The following CCDC88A variants were observed in gnomAD, a reference collection of about 807,000 sequenced individuals.
The protein encoded by CCDC88A is girdin.
Under a neutral mutation model 234.3 loss-of-function variants are expected in CCDC88A, and 54 were observed. The ratio of observed to expected loss-of-function variants is 0.23; its 90% CI spans 0.19 to 0.29. CCDC88A has a LOEUF of 0.29. CCDC88A is among the 10% of genes least tolerant of loss of function. The probability of loss-of-function intolerance (pLI) is 1.00; values close to 1 mark genes in which losing one functional copy is unlikely to be tolerated. For missense variants in CCDC88A, 1,832 were observed against 2,123.4 expected, an observed-to-expected ratio of 0.86 and a Z score of 2.70; for synonymous variants, 753 against 737.8, an observed-to-expected ratio of 1.02 and a Z score of -0.33.
At position 55,419,417 on chromosome 2, in the gene CCDC88A, G is replaced by C. The variant is rs7578406; in HGVS notation, c.-338C>G. On this transcript the variant is annotated 5_prime_UTR_variant, in exon 1 of 33. Coordinates refer to ENST00000436346, the MANE Select transcript of CCDC88A (RefSeq NM_001365480.1). ...ACAAAAAGCCCGTCAAGGTTGTCCA[G>C]CTCCTGGAGGATCCAGACCAGCGAA... 4.8e-3 allele frequency: 1,420 copies of C among 297,140 alleles called. 30 individuals are homozygous for C. The highest frequency in any genetic ancestry group is 0.029 in the African/African-American group (1,326 of 45,720). The allele number at this position is 297,140 out of a possible 1,614,324, so 18.4% of individuals were successfully genotyped here.
chr2:55,419,517 GGCGCCACCAGAC>G lies in CCDC88A; in HGVS notation c.-450_-439del. 4 of 161,238 alleles carry G rather than the reference GGCGCCACCAGAC, an allele frequency of 2.5e-5. No individual in the cohort carries two copies. The highest frequency in any genetic ancestry group is 1.7e-4 in the South Asian group (1 of 6,054). The allele number at this position is 161,238 out of a possible 1,614,324, so 10.0% of individuals were successfully genotyped here. A position where few individuals can be genotyped will look rare whatever the true frequency, so the allele number is the denominator to read the frequency against. On this transcript the variant is annotated 5_prime_UTR_variant, in exon 1 of 33. Transcript: ENST00000436346. The stretch of plus-strand genomic sequence containing the variant: ...ACAGAGACCACGTTAAGGATACCGA[GGCGCCACCAGAC>G]TCGACCTCGGCGTTCCGACCTCTAC...
chr2:55,322,329 A>C (rs1006613283), intron 18 of CCDC88A, among the ~76,000 whole-genome samples, 199 bp downstream of exon 18: 1 of 152,196 alleles, frequency 6.6e-6, no homozygotes, highest in Non-Finnish European at 1.5e-5. Flanking sequence ...GAGGGAAGCC[A>C]GTCATATGTT....
At position 55,328,389 on chromosome 2, in the gene CCDC88A, ACTT is replaced by A; in HGVS notation, c.2899_2901del (p.Lys967del). 1.3e-6 allele frequency: 2 copies of A among 1,594,408 alleles called. No homozygotes were observed. The highest frequency in any genetic ancestry group is 1.7e-6 in the Non-Finnish European group (2 of 1,168,890). ...ATTTTTTCTTCTTTTATTTCAAGAG[ACTT>A]CTTAAGAGTGGATTCTAATTTTGAT... On this transcript the variant is annotated inframe_deletion, in exon 17 of 33. Coordinates refer to ENST00000436346, the MANE Select transcript of CCDC88A (RefSeq NM_001365480.1). This position sits in a 1 kb window ranked among gnomAD's most constrained non-coding sequence, Gnocchi z 4.3.
At chr2:55,408,915 C>G (rs1459459472) in intron 2 of CCDC88A, among the ~76,000 whole-genome samples, 1 of 152,122 alleles carries the variant, frequency 6.6e-6, no homozygotes, top group African/African-American at 2.4e-5. Context: ...AATGCTCACA[C>G]ATTATTATTC....
chr2:55,344,339 A>G, intron 11 of CCDC88A, 29 bp downstream of exon 11: 1 of 1,501,374 alleles, frequency 6.7e-7, no homozygotes, highest in Non-Finnish European at 9.0e-7. Flanking sequence ...CTTAAAGGCC[A>G]TGTAACTGAT....
In CCDC88A at chr2:55,416,506, G is replaced by T. The variant is rs1244811582; in HGVS notation, c.164+2310C>A. Among the ~76,000 whole-genome samples, 9 of 101,484 alleles carry T rather than the reference G, an allele frequency of 8.9e-5. 1 individual carries two copies. In the East Asian group the frequency reaches 2.5e-3, roughly 29 times the overall value. 66.6% of individuals were successfully genotyped at this position (101,484 alleles called of 152,430 possible). A position where few individuals can be genotyped will look rare whatever the true frequency, so the allele number is the denominator to read the frequency against. On this transcript the variant is annotated intron_variant, in intron 2 of 32. Transcript: ENST00000436346. ...TATATATGTATATATTTTCTTCTAGGAATAATGACTGAAACTTTTCTAAAT... is the reference window on the plus strand; with the variant it reads ...TATATATGTATATATTTTCTTCTAGTAATAATGACTGAAACTTTTCTAAAT...
At chr2:55,371,002 C>T (rs949311122) in intron 5 of CCDC88A, among the ~76,000 whole-genome samples, 1 of 151,888 alleles carries the variant, frequency 6.6e-6, no homozygotes, top group African/African-American at 2.4e-5. Flanking sequence ...AGAGTGAGAC[C>T]CTGTCTCAAA....
chr2:55,295,064 T>C (rs1679865934), intron 31 of CCDC88A: 1 of 1,283,970 alleles, frequency 7.8e-7, no homozygotes, highest in East Asian at 5.6e-5. Flanking sequence ...GCAGTTTTGA[T>C]CATATACAAC....
chr2:55,409,979 G>C (rs977668581), intron 2 of CCDC88A, among the ~76,000 whole-genome samples: 2 of 152,034 alleles, frequency 1.3e-5, no homozygotes, highest in Admixed American at 6.6e-5. Context: ...GACCTCAAGT[G>C]ATCCACCCGC....
chr2:55,363,695 T>A (rs1671609383), intron 6 of CCDC88A: 1 of 314,766 alleles, frequency 3.2e-6, no homozygotes, highest in Non-Finnish European at 5.8e-6. Flanking sequence ...AACAAAGACA[T>A]ATACCTCATT....
rs533136174 is a variant in CCDC88A at position 55,296,396 on chromosome 2, T to C, written c.4953A>G (p.Arg1651=). The stretch of plus-strand genomic sequence containing the variant: ...TTTTGTGCTGGAGCACTGGGCTTGA[T>C]CTGGTCTGTCTTTTCAAGTACTGGA... ...SPIQYLKRQT[R]SSPVLQHKIS... Residue 1651 remains arginine (R), a synonymous_variant, in exon 30 of 33, where the codon AGA becomes AGG. Coordinates refer to ENST00000436346, the MANE Select transcript of CCDC88A (RefSeq NM_001365480.1). 12 of 1,614,186 alleles carry C rather than the reference T, an allele frequency of 7.4e-6. No individual in the cohort carries two copies. The South Asian group carries it at 1.1e-4, about 15-fold the overall frequency.
At position 55,362,300 on chromosome 2, in the gene CCDC88A, T is replaced by C; in HGVS notation, c.627+8A>G. 1 of 1,557,198 alleles carries C rather than the reference T, an allele frequency of 6.4e-7. No individual in the cohort carries two copies. Among genetic ancestry groups the C allele is most frequent in the Non-Finnish European group, 8.6e-7 (1 of 1,159,774 alleles). ...ACTTTCACAATATACTGAAAGAATT[T>C]TACAAACCTCTGAATGTTCATCTCT... On this transcript the variant is annotated splice_region_variant and intron_variant, in intron 7 of 32. Transcript: ENST00000436346.
At chr2:55,388,752 C>T (rs199552903) in intron 3 of CCDC88A, 26 bp downstream of exon 3, 3 of 866,146 alleles carry the variant, frequency 3.5e-6, no homozygotes, top group African/African-American at 3.5e-5. Flanking sequence ...TTATTAAAAC[C>T]CCAGATTTTT....
intron 9 of CCDC88A, among the ~76,000 whole-genome samples, chr2:55,347,717 T>C (rs1399835698): frequency 2.0e-5 from 3 of 148,272 alleles, no homozygotes; most frequent in African/African-American, 7.4e-5. Flanking sequence ...GTTCAAGCGA[T>C]TCTTGTGCCT....
At chr2:55,300,159 A>G (rs1680707425) in intron 28 of CCDC88A, 2 of 438,154 alleles carry the variant, frequency 4.6e-6, no homozygotes, top group South Asian at 2.4e-5. Context: ...AGATTTGAAA[A>G]TGAGTTCTAG....
At chr2:55,310,324 G>A (rs568868344) in intron 23 of CCDC88A, among the ~76,000 whole-genome samples, 8 of 152,320 alleles carry the variant, frequency 5.3e-5, no homozygotes, top group Admixed American at 3.9e-4. Flanking sequence ...GCTCAGGCCT[G>A]TAATTCTAGT....
Position 55,295,649 on chromosome 2 carries a change from T to C in CCDC88A, c.5499A>G (p.Ile1833Met). 3.1e-6 allele frequency: 5 copies of C among 1,614,222 alleles called. No individual in the cohort carries two copies. In the South Asian group the frequency reaches 4.4e-5, roughly 14 times the overall value. The change falls in exon 31 of 33, where the codon ATA becomes ATG. Residue 1833 changes from isoleucine to methionine, a missense_variant. Around this residue, in one of 6 missense-constraint regions of CCDC88A, gnomAD observed 422 missense variants for 416.5 expected, o/e 1.01. Coordinates refer to ENST00000436346, the MANE Select transcript of CCDC88A (RefSeq NM_001365480.1). ...DFLTKDSRLP[I>M]SVDSPPAAAD... ...CAGCAGCTGGTGGTGAATCAACTGATATAGGCAGTCTACTGTCCTTGGTCA... is the reference window on the plus strand; with the variant it reads ...CAGCAGCTGGTGGTGAATCAACTGACATAGGCAGTCTACTGTCCTTGGTCA...
At position 55,289,313 on chromosome 2, in the gene CCDC88A, A is replaced by G. The variant is rs1480941117; in HGVS notation, c.*1887T>C. Reference sequence around the variant, plus strand: ...CTAATATAAATCTAAGTTACCCACTAACTGTATTTAGCCATAACATAATTT... The same window carrying G: ...CTAATATAAATCTAAGTTACCCACTGACTGTATTTAGCCATAACATAATTT... On this transcript the variant is annotated 3_prime_UTR_variant, in exon 33 of 33. Coordinates refer to ENST00000436346, the MANE Select transcript of CCDC88A (RefSeq NM_001365480.1). 6.6e-6 allele frequency: 1 copy of G among 152,610 alleles called. No individual in the cohort carries two copies. Among genetic ancestry groups the G allele is most frequent in the Admixed American group, 6.5e-5 (1 of 15,284 alleles). The allele number at this position is 152,610 out of a possible 1,614,324, so 9.5% of individuals were successfully genotyped here. A position where few individuals can be genotyped will look rare whatever the true frequency, so the allele number is the denominator to read the frequency against.
At chr2:55,329,353 G>A (rs1684651783) in intron 16 of CCDC88A, 1 of 152,096 alleles carries the variant, frequency 6.6e-6, no homozygotes, top group Non-Finnish European at 1.5e-5. Flanking sequence ...CCTAAAGTAT[G>A]TATATGAGAG....
Sources: allele counts gnomAD v4.1 joint callset (sites outside exome capture counted in the v4.1 genomes callset), GRCh38; gene constraint gnomAD v4.1.1; regional missense constraint gnomAD v4.1.1; non-coding constraint Gnocchi (gnomAD v3.1); transcripts MANE v1.5; gene names NCBI Gene and HGNC (gene_info 2026-07-23, HGNC 2026-07-21).